The following CCDC92B variants were observed in gnomAD, a reference collection of about 807,000 sequenced individuals.
CCDC92B encodes the protein coiled-coil domain containing 92B, also known as coiled-coil domain-containing 92B.
Under a neutral mutation model 5.6 loss-of-function variants are expected in CCDC92B, and 2 were observed. That is an observed-to-expected ratio of 0.36 (90% confidence interval 0.15 to 1.12). The LOEUF (loss-of-function observed/expected upper bound fraction) is 1.12. CCDC92B is among the 50% of genes most tolerant of loss of function. The pLI is 0.40. For synonymous variants in CCDC92B, 115 were observed against 122.3 expected (o/e 0.94, Z 0.39); for missense variants, 271 against 262.2 (o/e 1.03, Z -0.23).
intron 2 of CCDC92B, among the ~76,000 whole-genome samples, chr17:2,732,829 C>T (rs545987473): frequency 1.6e-4 from 25 of 151,574 alleles, no homozygotes; most frequent in African/African-American, 4.4e-4. Flanking sequence ...CTGGCTAACA[C>T]GGTGAAACCC....
Position 2,724,935 on chromosome 17 carries a change from C to G in CCDC92B, c.244G>C (p.Ala82Pro). ...ALESQLEARA[A>P]ANAELRREVA... The stretch of plus-strand genomic sequence containing the variant: ...TCCCGCCGCAGCTCCGCGTTGGCCG[C>G]AGCACGCGCCTCCAGCTGCGACTCC... The change falls in exon 4 of 4, where the codon GCG (alanine) becomes CCG (proline). Residue 82 changes from alanine to proline, a missense_variant. Transcript: ENST00000614400. This position sits in a 1 kb window ranked among gnomAD's most constrained non-coding sequence, Gnocchi z 5.0. 2.0e-6 allele frequency: 2 copies of G among 985,514 alleles called. No individual in the cohort carries two copies. The highest frequency in any genetic ancestry group is 2.4e-6 in the Non-Finnish European group (2 of 830,020). The allele number at this position is 985,514 out of a possible 1,614,324, so 61.0% of individuals were successfully genotyped here.
At chr17:2,749,356 C>T (rs1026536744) in intron 1 of CCDC92B, 55 bp downstream of exon 1, 1 of 151,842 alleles carries the variant, frequency 6.6e-6, no homozygotes, top group Admixed American at 6.6e-5. Context: ...CGCTGCTCCC[C>T]CCTGGGGCCG....
At chr17:2,747,151 G>C (rs529169012) in intron 1 of CCDC92B, among the ~76,000 whole-genome samples, 1 of 152,316 alleles carries the variant, frequency 6.6e-6, no homozygotes, top group East Asian at 1.9e-4. Flanking sequence ...CTTGTGACCT[G>C]CTTGCCTGGG....
intron 1 of CCDC92B, among the ~76,000 whole-genome samples, chr17:2,743,816 G>A (rs2070951876): frequency 1.3e-5 from 2 of 151,958 alleles, no homozygotes; most frequent in South Asian, 4.1e-4. Context: ...CCCTTAATCT[G>A]CATTATTTTT....
intron 1 of CCDC92B, among the ~76,000 whole-genome samples, chr17:2,744,017 G>A (rs1258062176): frequency 1.3e-5 from 2 of 151,910 alleles, no homozygotes; most frequent in Non-Finnish European, 2.9e-5. Flanking sequence ...AGCTGGGATT[G>A]CAGGTGTGCA....
Position 2,741,883 on chromosome 17 carries a change from C to T in CCDC92B, c.-23-6715G>A, listed in dbSNP as rs558756702. Among the ~76,000 whole-genome samples the T allele has an allele frequency of 5.3e-5, 8 of 150,132 alleles. No homozygotes were observed. The South Asian group carries it at 1.1e-3, about 20-fold the overall frequency. ...CTGGGATCACAGGCGTGAGCCACCG[C>T]GCCCGGCCAGGAGAATCTCTTGAAA... is the stretch of plus-strand genomic sequence containing the variant. On this transcript the variant is annotated intron_variant, in intron 1 of 3. Coordinates refer to ENST00000614400, the MANE Select transcript of CCDC92B (RefSeq NM_001355573.2).
intron 1 of CCDC92B, among the ~76,000 whole-genome samples, chr17:2,748,813 T>C (rs2071019235): frequency 6.6e-6 from 1 of 152,234 alleles, no homozygotes; most frequent in African/African-American, 2.4e-5. Flanking sequence ...GGACTCTGTC[T>C]GCAAGGTGGG....
At position 2,740,231 on chromosome 17, in the gene CCDC92B, G is replaced by A. The variant is rs9891787; in HGVS notation, c.-23-5063C>T. On this transcript the variant is annotated intron_variant, in intron 1 of 3. Transcript: ENST00000614400. ...TCTGCTCGAGTGTGGGTGGGCCTGCGCGTATGATGGATTTCACCCCTGTGA... is the reference window on the plus strand; with the variant it reads ...TCTGCTCGAGTGTGGGTGGGCCTGCACGTATGATGGATTTCACCCCTGTGA... Among the ~76,000 whole-genome samples the A allele has an allele frequency of 1.3e-3, 195 of 152,026 alleles. 4 individuals are homozygous for A. The highest frequency in any genetic ancestry group is 4.4e-3 in the African/African-American group (181 of 41,384).
intron 3 of CCDC92B, among the ~76,000 whole-genome samples, chr17:2,729,350 G>A (rs559746688): frequency 1.3e-4 from 20 of 152,136 alleles, no homozygotes; most frequent in South Asian, 8.3e-4. Context: ...AAAATTAGCC[G>A]GTGGATGGTG....
chr17:2,747,807 C>T (rs559654069), intron 1 of CCDC92B, among the ~76,000 whole-genome samples: 3 of 152,072 alleles, frequency 2.0e-5, no homozygotes, highest in South Asian at 2.1e-4. Flanking sequence ...CTGGGGCAGT[C>T]GGAAAGCAGG....
chr17:2,748,267 G>A (rs753097847), intron 1 of CCDC92B: 81 of 963,608 alleles, frequency 8.4e-5, no homozygotes, highest in Non-Finnish European at 1.1e-4. Context: ...CTTGAAGCCT[G>A]ACCCATCCTT....
At chr17:2,745,299 T>C (rs2151745928) in intron 1 of CCDC92B, among the ~76,000 whole-genome samples, 1 of 152,110 alleles carries the variant, frequency 6.6e-6, no homozygotes, top group East Asian at 1.9e-4. Context: ...GATGAAGGTG[T>C]GTGGGCCTGT....
intron 3 of CCDC92B, among the ~76,000 whole-genome samples, chr17:2,727,716 T>C (rs958603020): frequency 1.1e-4 from 16 of 150,722 alleles, no homozygotes; most frequent in African/African-American, 2.4e-4. Flanking sequence ...CCCAGCTACT[T>C]GGGAGGCTGA....
intron 1 of CCDC92B, among the ~76,000 whole-genome samples, chr17:2,743,084 C>G (rs1471587235): frequency 6.6e-6 from 1 of 152,228 alleles, no homozygotes; most frequent in African/African-American, 2.4e-5. Flanking sequence ...ACTGTCATCT[C>G]ACTTCCATTC....
At chr17:2,734,865 A>G (rs2070840375) in intron 2 of CCDC92B, among the ~76,000 whole-genome samples, 151 bp downstream of exon 2, 1 of 152,116 alleles carries the variant, frequency 6.6e-6, no homozygotes, top group Non-Finnish European at 1.5e-5. Context: ...TCACCTCCCC[A>G]AGTCCCAGTT....
At chr17:2,730,200 G>T (rs948561207) in intron 3 of CCDC92B, among the ~76,000 whole-genome samples, 3 of 152,016 alleles carry the variant, frequency 2.0e-5, no homozygotes, top group African/African-American at 7.2e-5. Flanking sequence ...AACTGAGGTG[G>T]TGCAGGTTGT....
intron 1 of CCDC92B, among the ~76,000 whole-genome samples, chr17:2,737,164 G>C (rs2070867180): frequency 6.6e-6 from 1 of 152,016 alleles, no homozygotes; most frequent in Non-Finnish European, 1.5e-5. Flanking sequence ...CTGGAGCCCA[G>C]GACTTAGAGC....
chr17:2,738,779 A>G (rs2151743270), intron 1 of CCDC92B, among the ~76,000 whole-genome samples: 1 of 140,286 alleles, frequency 7.1e-6, no homozygotes, highest in Admixed American at 7.2e-5. Flanking sequence ...AAAAGAAAAA[A>G]GAAATGTAAG....
At chr17:2,727,472 C>T (rs1425053900) in intron 3 of CCDC92B, among the ~76,000 whole-genome samples, 3 of 151,832 alleles carry the variant, frequency 2.0e-5, no homozygotes, top group East Asian at 1.9e-4. Context: ...AGTGTAGGGA[C>T]GTAGGCAGCC....
Sources: allele counts gnomAD v4.1 joint callset (sites outside exome capture counted in the v4.1 genomes callset), GRCh38; gene constraint gnomAD v4.1.1; non-coding constraint Gnocchi (gnomAD v3.1); transcripts MANE v1.5; gene names NCBI Gene and HGNC (gene_info 2026-07-23, HGNC 2026-07-21).